Variants in TRIP12 observed in about 807,000 individuals in gnomAD.
TRIP12 encodes the protein E3 ubiquitin-protein ligase TRIP12.
TRIP12 carries 25 observed loss-of-function variants against 244.2 expected under a neutral mutation model. The ratio of observed to expected loss-of-function variants is 0.10; its 90% CI spans 0.07 to 0.14. The LOEUF is 0.14. TRIP12 is among the 10% of genes least tolerant of loss of function. The pLI, the probability that TRIP12 is intolerant of heterozygous loss-of-function variation, is 1.00. For synonymous variants in TRIP12, 905 were observed against 873.1 expected (o/e 1.04, Z -0.64); for missense variants, 1,677 against 2,486.4 (o/e 0.67, Z 6.92).
intron 1 of TRIP12, among the ~76,000 whole-genome samples, chr2:229,904,607 T>C (rs2072145098): frequency 6.6e-6 from 1 of 152,068 alleles, no homozygotes; most frequent in Non-Finnish European, 1.5e-5. Flanking sequence ...AAAGACTACA[T>C]ACAAAAATGT....
At chr2:229,868,770 T>A (rs1437920274) in intron 2 of TRIP12, among the ~76,000 whole-genome samples, 1 of 152,188 alleles carries the variant, frequency 6.6e-6, no homozygotes, top group Non-Finnish European at 1.5e-5. Flanking sequence ...TTTCACTAAG[T>A]AGGCTTTAGG....
intron 34 of TRIP12, among the ~76,000 whole-genome samples, chr2:229,780,964 T>C (rs1457273626): frequency 2.0e-5 from 3 of 152,224 alleles, no homozygotes; most frequent in Admixed American, 6.5e-5. Context: ...TAGATGGTGC[T>C]AGTCAATTCT....
intron 6 of TRIP12, among the ~76,000 whole-genome samples, chr2:229,835,912 T>C (rs773998329): frequency 2.0e-5 from 3 of 152,158 alleles, no homozygotes. Context: ...AAAAAACTAT[T>C]CTAGGAAAAC....
rs971980492 is a variant in TRIP12, at chr2:229,840,418, A to C, written c.1133+404T>G. On this transcript the variant is annotated intron_variant, in intron 5 of 41. Transcript: ENST00000675903. ...AAAAAATTTAAATAATTTTTTAAAAATCATCGGGCACGGTGGCTCACGCCT... is the reference window on the plus strand; with the variant it reads ...AAAAAATTTAAATAATTTTTTAAAACTCATCGGGCACGGTGGCTCACGCCT... Among the ~76,000 whole-genome samples, 18 of 152,244 alleles carry C rather than the reference A, an allele frequency of 1.2e-4. No homozygotes were observed. The East Asian group carries it at 3.3e-3, about 28-fold the overall frequency.
intron 8 of TRIP12, among the ~76,000 whole-genome samples, chr2:229,828,811 C>T (rs933723048): frequency 9.2e-5 from 14 of 151,974 alleles, no homozygotes; most frequent in Admixed American, 8.5e-4. Flanking sequence ...AAACCAACAT[C>T]CTTATGTCCA....
intron 4 of TRIP12, among the ~76,000 whole-genome samples, chr2:229,845,193 C>A (rs746896762): frequency 6.6e-6 from 1 of 152,154 alleles, no homozygotes; most frequent in Admixed American, 6.5e-5. Flanking sequence ...CTGGATCCAG[C>A]CAAGCCTGAA....
chr2:229,781,368 A>G (rs1336496002), intron 34 of TRIP12, among the ~76,000 whole-genome samples: 1 of 152,260 alleles, frequency 6.6e-6, no homozygotes, highest in Non-Finnish European at 1.5e-5. Context: ...ACATACTGGC[A>G]CTTATTATGT....
At chr2:229,881,172 C>T (rs906707938) in intron 1 of TRIP12, among the ~76,000 whole-genome samples, 1 of 152,104 alleles carries the variant, frequency 6.6e-6, no homozygotes, top group East Asian at 1.9e-4. Flanking sequence ...CAAGAAATTG[C>T]GAAAGTATTT....
chr2:229,886,085 T>G (rs1363245436), intron 1 of TRIP12, among the ~76,000 whole-genome samples: 1 of 152,128 alleles, frequency 6.6e-6, no homozygotes. Context: ...GAACAAAAAC[T>G]TTCTACAAAA....
intron 6 of TRIP12, chr2:229,831,279 G>C (rs1387755637): frequency 6.5e-6 from 4 of 615,646 alleles, no homozygotes; most frequent in Non-Finnish European, 1.2e-5. Flanking sequence ...TGCCTTCTAA[G>C]TCTGCTTTAT....
At chr2:229,769,821 T>C (rs140906593) in intron 39 of TRIP12, among the ~76,000 whole-genome samples, 1 of 152,302 alleles carries the variant, frequency 6.6e-6, no homozygotes, top group Non-Finnish European at 1.5e-5. Context: ...TAGAGAGGCA[T>C]GTCTACGCTA....
At chr2:229,768,526 TA>T in intron 41 of TRIP12, 89 bp downstream of exon 41, 3 of 1,188,420 alleles carry the variant, frequency 2.5e-6, no homozygotes, top group Non-Finnish European at 3.6e-6. Context: ...GCAAGTGAGA[TA>T]AAGAATCTCC....
chr2:229,890,102 T>C (rs1204147542), intron 1 of TRIP12, among the ~76,000 whole-genome samples: 1 of 141,484 alleles, frequency 7.1e-6, no homozygotes, highest in South Asian at 2.2e-4. Context: ...TTTTTTGAGA[T>C]GGAGTCTTGT....
intron 8 of TRIP12, among the ~76,000 whole-genome samples, chr2:229,826,174 T>C (rs2051527036): frequency 6.6e-6 from 1 of 152,206 alleles, no homozygotes; most frequent in Non-Finnish European, 1.5e-5. Context: ...CTTTCTTTAC[T>C]TCTCATAAAT....
At chr2:229,859,724 A>T in intron 3 of TRIP12, 150 bp from the exon 4 acceptor site, 3 of 868,278 alleles carry the variant, frequency 3.5e-6, no homozygotes, top group South Asian at 4.0e-5. Flanking sequence ...TGTAAAACGA[A>T]ATAAAAGAAC....
Position 229,789,622 on chromosome 2 carries a change from A to G in TRIP12, c.4684T>C (p.Tyr1562His), listed in dbSNP as rs780525259. The G allele has an allele frequency of 1.9e-6, 3 of 1,613,868 alleles. No homozygotes were observed. Among genetic ancestry groups the G allele is most frequent in the Non-Finnish European group, 2.5e-6 (3 of 1,179,880 alleles). ...GCAACATTACTCACATCATACAAGT[A>G]ATACCAGTATCGACTGATAGCATGT... The part of the protein sequence containing the change: ...VLHAISRYWY[Y>H]LYDNAMCKEI... Residue 1562 changes from tyrosine (Y) to histidine (H), a missense_variant, in exon 31 of 42, where the codon TAC becomes CAC. This residue lies in a region of TRIP12 where 265 missense variants were observed against 370.8 expected (regional missense o/e 0.71). Coordinates refer to ENST00000675903, the MANE Select transcript of TRIP12 (RefSeq NM_001348323.3).
chr2:229,789,746 T>C lies in TRIP12; in HGVS notation c.4560A>G (p.Ser1520=). The change falls in exon 31 of 42, where the codon TCA becomes TCG. Residue 1520 remains serine (S), a synonymous_variant. Transcript: ENST00000675903. ...DELWHDGVCP[S]VSNPLEVYLI... ...GGTAAACTTCTAAAGGATTTGATAC[T>C]GATGGGCACACTCCATCTAAAGGAC... is the stretch of plus-strand genomic sequence containing the variant. 4 of 1,614,002 alleles carry C rather than the reference T, an allele frequency of 2.5e-6. No individual in the cohort carries two copies. Among genetic ancestry groups the C allele is most frequent in the Non-Finnish European group, 3.4e-6 (4 of 1,179,940 alleles).
intron 6 of TRIP12, among the ~76,000 whole-genome samples, chr2:229,835,527 C>T (rs2054577354): frequency 6.6e-6 from 1 of 152,148 alleles, no homozygotes. Flanking sequence ...CAGCTTGTAA[C>T]CCTGAGCAAG....
intron 6 of TRIP12, among the ~76,000 whole-genome samples, chr2:229,831,627 T>C (rs1472392331): frequency 2.0e-5 from 3 of 152,084 alleles, no homozygotes; most frequent in African/African-American, 7.2e-5. Context: ...CCAGACTCTG[T>C]CTCAAAACAA....
Sources: allele counts gnomAD v4.1 joint callset (sites outside exome capture counted in the v4.1 genomes callset), GRCh38; gene constraint gnomAD v4.1.1; regional missense constraint gnomAD v4.1.1; transcripts MANE v1.5; gene names NCBI Gene and HGNC (gene_info 2026-07-23, HGNC 2026-07-21).